The following MYO18B variants were observed in gnomAD, a reference collection of about 807,000 sequenced individuals.
MYO18B encodes myosin XVIIIB.
Under a neutral mutation model 273.0 loss-of-function variants are expected in MYO18B, and 204 were observed. The observed-to-expected ratio is 0.75, with a 90% CI of 0.67 to 0.84. The LOEUF (loss-of-function observed/expected upper bound fraction) is 0.84. Ranked by LOEUF, MYO18B falls within the 40% of genes least tolerant of loss-of-function variation. The pLI is 0.00. For missense variants in MYO18B, 3,212 were observed against 3,287.6 expected (o/e 0.98, Z 0.56); for synonymous variants, 1,330 against 1,305.7 (o/e 1.02, Z -0.40).
intron 12 of MYO18B, 25 bp downstream of exon 12, chr22:25,798,122 C>A: frequency 6.3e-7 from 1 of 1,585,600 alleles, no homozygotes; most frequent in Non-Finnish European, 8.6e-7. Context: ...CCGGGCTCAC[C>A]TGGGAGGGCA....
intron 42 of MYO18B, among the ~76,000 whole-genome samples, chr22:26,025,426 G>C (rs1936165159): frequency 6.6e-6 from 1 of 152,078 alleles, no homozygotes; most frequent in South Asian, 2.1e-4. Flanking sequence ...ATAGAGTTCT[G>C]AATCCTACAA....
chr22:25,942,318 T>C (rs927832093), intron 34 of MYO18B, among the ~76,000 whole-genome samples: 1 of 152,236 alleles, frequency 6.6e-6, no homozygotes, highest in Non-Finnish European at 1.5e-5. Context: ...CCAGGAATGA[T>C]GCATATTTCC....
chr22:25,898,005 CA>C (rs994652003), intron 28 of MYO18B: 1 of 297,070 alleles, frequency 3.4e-6, no homozygotes, highest in African/African-American at 2.2e-5. Flanking sequence ...CAGGGGTCAT[CA>C]AGTTGAGGCA....
intron 39 of MYO18B, among the ~76,000 whole-genome samples, chr22:25,977,968 A>G (rs769066577): frequency 2.0e-5 from 3 of 152,200 alleles, no homozygotes; most frequent in Non-Finnish European, 4.4e-5. Context: ...TCGATGGCCC[A>G]TGTTGGTAAG....
In MYO18B at chr22:25,823,647, A is replaced by G. The variant is rs2089372612; in HGVS notation, c.2664A>G (p.Arg888=). 6 of 1,613,934 alleles carry G rather than the reference A, an allele frequency of 3.7e-6. No homozygotes were observed. The highest frequency in any genetic ancestry group is 1.6e-4 in the Middle Eastern group (1 of 6,062). The part of the protein sequence containing the change: ...IIQQMTFGPS[R]WGLEDEETSS... Reference sequence around the variant, plus strand: ...AGCAAATGACGTTTGGGCCAAGCCGATGGGGCCTCGAGGATGAGGAAACCA... The same window carrying G: ...AGCAAATGACGTTTGGGCCAAGCCGGTGGGGCCTCGAGGATGAGGAAACCA... Residue 888 remains arginine (R), a synonymous_variant, in exon 13 of 44, where the codon CGA becomes CGG. Coordinates refer to ENST00000335473, the MANE Select transcript of MYO18B (RefSeq NM_032608.7).
At chr22:25,842,908 G>A (rs549192912) in intron 17 of MYO18B, among the ~76,000 whole-genome samples, 1 of 152,232 alleles carries the variant, frequency 6.6e-6, no homozygotes, top group Non-Finnish European at 1.5e-5. Flanking sequence ...TTGTGATTCG[G>A]GAACATCAGC....
At chr22:25,929,792 A>G (rs1327007407) in intron 34 of MYO18B, among the ~76,000 whole-genome samples, 1 of 152,104 alleles carries the variant, frequency 6.6e-6, no homozygotes, top group East Asian at 1.9e-4. Context: ...CCACCTGAAT[A>G]TCTAGTACTT....
At chr22:25,894,019 C>G (rs2146296324) in intron 27 of MYO18B, among the ~76,000 whole-genome samples, 1 of 152,322 alleles carries the variant, frequency 6.6e-6, no homozygotes, top group South Asian at 2.1e-4. Context: ...GTCAAACGTC[C>G]TATCCATTCA....
At chr22:25,760,903 G>A (rs1422027894) in intron 1 of MYO18B, 81 bp from the exon 2 acceptor site, 8 of 641,108 alleles carry the variant, frequency 1.2e-5, no homozygotes, top group African/African-American at 3.6e-5. Context: ...GGTTTATGGC[G>A]TTGGTGGGGG....
intron 29 of MYO18B, chr22:25,899,600 G>A (rs2091887924): frequency 6.6e-6 from 1 of 152,110 alleles, no homozygotes; most frequent in African/African-American, 2.4e-5. Context: ...AAAGGTCTTT[G>A]GGGGATTGTT....
At chr22:26,054,955 T>G in the MYO18B span, among the ~76,000 whole-genome samples, 1 of 152,100 alleles carries the variant, frequency 6.6e-6, no homozygotes, top group East Asian at 1.9e-4. Context: ...ACATAAACTT[T>G]CAAGCATCAG....
intron 1 of MYO18B, among the ~76,000 whole-genome samples, chr22:25,753,347 G>A (rs1168420547): frequency 6.6e-6 from 1 of 152,164 alleles, no homozygotes; most frequent in Non-Finnish European, 1.5e-5. Context: ...ATTTGTAAAC[G>A]CACCAATCAG....
chr22:25,943,332 C>A (rs2092666570), intron 34 of MYO18B, among the ~76,000 whole-genome samples: 1 of 152,214 alleles, frequency 6.6e-6, no homozygotes, highest in Non-Finnish European at 1.5e-5. Flanking sequence ...ACCTCCACCG[C>A]CTCCTTCCTG....
intron 39 of MYO18B, among the ~76,000 whole-genome samples, chr22:25,972,590 G>A (rs2093047049): frequency 6.6e-6 from 1 of 152,204 alleles, no homozygotes; most frequent in African/African-American, 2.4e-5. Flanking sequence ...CAGCAGCATG[G>A]CAGGAGCCCT....
intron 2 of MYO18B, among the ~76,000 whole-genome samples, chr22:25,762,078 C>T (rs1478251137): frequency 6.6e-6 from 1 of 151,280 alleles, no homozygotes; most frequent in African/African-American, 2.4e-5. Context: ...CACTCCAGCC[C>T]GAGCGACAGT....
intron 3 of MYO18B, among the ~76,000 whole-genome samples, chr22:25,764,021 C>G (rs540189734): frequency 6.6e-6 from 1 of 152,342 alleles, no homozygotes; most frequent in Admixed American, 6.5e-5. Flanking sequence ...GTGCCCTCAG[C>G]TGCCATGTTT....
chr22:25,972,358 A>G (rs1476647036), intron 39 of MYO18B, among the ~76,000 whole-genome samples: 1 of 152,108 alleles, frequency 6.6e-6, no homozygotes, highest in Non-Finnish European at 1.5e-5. Context: ...TTTACTTGTT[A>G]TTATTACTTA....
chr22:25,866,805 A>G (rs2090901826), intron 21 of MYO18B, among the ~76,000 whole-genome samples: 4 of 151,540 alleles, frequency 2.6e-5, no homozygotes, highest in African/African-American at 9.7e-5. Flanking sequence ...AAAAAAAAAA[A>G]AAAAAAGAAT....
intron 1 of MYO18B, among the ~76,000 whole-genome samples, chr22:25,755,766 CCT>C (rs936191073): frequency 1.3e-5 from 2 of 152,288 alleles, no homozygotes; most frequent in African/African-American, 4.8e-5. Context: ...TCTCTCGCTC[CCT>C]CTCTCATCAC....
Sources: allele counts gnomAD v4.1 joint callset (sites outside exome capture counted in the v4.1 genomes callset), GRCh38; gene constraint gnomAD v4.1.1; transcripts MANE v1.5; gene names NCBI Gene and HGNC (gene_info 2026-07-23, HGNC 2026-07-21).